Variants in CACNB4 observed in about 807,000 individuals in gnomAD.
CACNB4 encodes voltage-dependent L-type calcium channel subunit beta-4.
A neutral mutation model predicts 71.2 loss-of-function variants in CACNB4; 32 were observed. The ratio of observed to expected loss-of-function variants is 0.45; its 90% CI spans 0.34 to 0.60. CACNB4 has a LOEUF of 0.60. Among genes scored for constraint, CACNB4 ranks in the 20% least tolerant of loss-of-function variants. The probability of loss-of-function intolerance (pLI) is 0.01; values close to 1 mark genes in which losing one functional copy is unlikely to be tolerated. For missense variants in CACNB4, 464 were observed against 647.9 expected (o/e 0.72, Z 3.08); for synonymous variants, 231 against 236.9 (o/e 0.97, Z 0.23).
At chr2:152,091,639 CA>C (rs1687979299) in intron 2 of CACNB4, among the ~76,000 whole-genome samples, 1 of 152,042 alleles carries the variant, frequency 6.6e-6, no homozygotes, top group Admixed American at 6.6e-5. Context: ...CCTTCTCAAA[CA>C]AAAATAAACA....
At chr2:151,949,578 T>C (rs1009379187) in intron 2 of CACNB4, among the ~76,000 whole-genome samples, 1 of 152,022 alleles carries the variant, frequency 6.6e-6, no homozygotes, top group African/African-American at 2.4e-5. Context: ...ATGTGGCTGA[T>C]ATGCAAGGAT....
intron 2 of CACNB4, among the ~76,000 whole-genome samples, chr2:151,943,372 G>T (rs559171961): frequency 6.6e-6 from 1 of 152,290 alleles, no homozygotes; most frequent in South Asian, 2.1e-4. Flanking sequence ...TGGAATCCAT[G>T]ATCAAATTTA....
intron 2 of CACNB4, among the ~76,000 whole-genome samples, chr2:152,077,142 C>T (rs1478604908): frequency 6.6e-6 from 1 of 152,156 alleles, no homozygotes; most frequent in Non-Finnish European, 1.5e-5. Flanking sequence ...CATAAAGAGC[C>T]GAGCACAGTG....
At chr2:151,958,111 T>C (rs2151687078) in intron 2 of CACNB4, among the ~76,000 whole-genome samples, 1 of 152,314 alleles carries the variant, frequency 6.6e-6, no homozygotes, top group African/African-American at 2.4e-5. Context: ...TTTTCACATG[T>C]ATCAACAGGC....
chr2:151,898,322 G>A (rs904223166), intron 2 of CACNB4, among the ~76,000 whole-genome samples: 3 of 152,122 alleles, frequency 2.0e-5, no homozygotes, highest in Non-Finnish European at 4.4e-5. Context: ...TCCTCTTTAT[G>A]ACCCAGTACC....
chr2:151,882,603 T>G (rs945769400), intron 3 of CACNB4, among the ~76,000 whole-genome samples: 1 of 152,132 alleles, frequency 6.6e-6, no homozygotes, highest in Admixed American at 6.6e-5. Flanking sequence ...AAAACAAAGT[T>G]GGAAGCACAT....
intron 2 of CACNB4, among the ~76,000 whole-genome samples, chr2:151,934,897 T>C (rs1331883450): frequency 1.3e-5 from 2 of 152,262 alleles, no homozygotes; most frequent in African/African-American, 4.8e-5. Flanking sequence ...AGAAATTCAA[T>C]AATATGCATT....
chr2:151,914,430 G>C (rs1465193621), intron 2 of CACNB4, among the ~76,000 whole-genome samples: 1 of 152,092 alleles, frequency 6.6e-6, no homozygotes, highest in Admixed American at 6.5e-5. Context: ...CTTTAGCTCA[G>C]TGTAGTTTTT....
At chr2:151,953,758 A>G (rs1427731407) in intron 2 of CACNB4, among the ~76,000 whole-genome samples, 1 of 152,186 alleles carries the variant, frequency 6.6e-6, no homozygotes, top group Non-Finnish European at 1.5e-5. Context: ...TTCTATTTCT[A>G]TGACTCTTTT....
intron 2 of CACNB4, among the ~76,000 whole-genome samples, chr2:151,902,042 T>A (rs914941451): frequency 2.2e-5 from 1 of 45,634 alleles, no homozygotes; most frequent in African/African-American, 3.7e-5. Context: ...CTTTTTTTTT[T>A]TTTTTTTTTT....
chr2:151,891,088 T>C (rs2099850613), intron 2 of CACNB4, among the ~76,000 whole-genome samples: 1 of 152,168 alleles, frequency 6.6e-6, no homozygotes, highest in African/African-American at 2.4e-5. Flanking sequence ...AATTAATGGG[T>C]TCTATTACAA....
chr2:152,080,199 A>G (rs1687281379), intron 2 of CACNB4, among the ~76,000 whole-genome samples: 1 of 151,104 alleles, frequency 6.6e-6, no homozygotes, highest in South Asian at 2.1e-4. Context: ...TTGGTTCACT[A>G]CAACCTCTGC....
chr2:152,077,762 AGAG>A (rs1421180142), intron 2 of CACNB4, among the ~76,000 whole-genome samples: 1 of 152,078 alleles, frequency 6.6e-6, no homozygotes, highest in Non-Finnish European at 1.5e-5. Flanking sequence ...CCCGAGACTG[AGAG>A]GAGAAGGGTT....
intron 2 of CACNB4, among the ~76,000 whole-genome samples, chr2:151,963,833 C>T (rs952168113): frequency 6.6e-6 from 1 of 151,792 alleles, no homozygotes; most frequent in Admixed American, 6.6e-5. Flanking sequence ...TTTGGGAGGC[C>T]GAGGCAGGTG....
intron 2 of CACNB4, among the ~76,000 whole-genome samples, chr2:151,989,474 T>C (rs748999303): frequency 6.6e-6 from 1 of 152,212 alleles, no homozygotes; most frequent in Non-Finnish European, 1.5e-5. Flanking sequence ...ACTATTGACC[T>C]TTCTCCCGTT....
At chr2:151,907,442 T>C (rs2099855097) in intron 2 of CACNB4, among the ~76,000 whole-genome samples, 1 of 152,228 alleles carries the variant, frequency 6.6e-6, no homozygotes, top group Non-Finnish European at 1.5e-5. Context: ...GCAAAGATAG[T>C]ACAGAGTTCC....
intron 2 of CACNB4, among the ~76,000 whole-genome samples, chr2:152,075,861 C>T (rs914890052): frequency 2.6e-5 from 4 of 152,178 alleles, no homozygotes; most frequent in African/African-American, 4.8e-5. Flanking sequence ...GTCAGTGCTG[C>T]CCACAGTCTC....
chr2:152,098,555 C>A lies in CACNB4; in HGVS notation c.64-142G>T. The A allele has an allele frequency of 7.3e-7, 1 of 1,363,224 alleles. No homozygotes were observed. Among genetic ancestry groups the A allele is most frequent in the Middle Eastern group, 2.1e-4 (1 of 4,704 alleles). The allele number at this position is 1,363,224 out of a possible 1,614,324, so 84.4% of individuals were successfully genotyped here. A position where few individuals can be genotyped will look rare whatever the true frequency, so the allele number is the denominator to read the frequency against. On this transcript the variant is annotated intron_variant, in intron 1 of 13. Coordinates refer to ENST00000539935, the MANE Select transcript of CACNB4 (RefSeq NM_000726.5). The surrounding 1 kb of genome is among the most constrained non-coding windows in gnomAD (Gnocchi z 5.3). ...CGCACCCAAGTCTCCTCCGCGACTC[C>A]CAAATACAGCCCCCACCCCCACCCA...
chr2:152,010,095 C>T (rs1361383492), intron 2 of CACNB4, among the ~76,000 whole-genome samples: 3 of 152,190 alleles, frequency 2.0e-5, no homozygotes, highest in Admixed American at 6.5e-5. Flanking sequence ...CCAGATGTTG[C>T]GCTAACCTTT....
Sources: gnomAD v4.1 joint callset for allele counts (sites outside exome capture counted in the v4.1 genomes callset) on GRCh38, gnomAD v4.1.1 for gene constraint, Gnocchi (gnomAD v3.1) non-coding constraint, MANE v1.5 for transcripts, NCBI Gene and HGNC (gene_info 2026-07-23, HGNC 2026-07-21) for gene names.